Variants in ENPP1 observed in about 807,000 individuals in gnomAD.
The protein encoded by ENPP1 is ectonucleotide pyrophosphatase/phosphodiesterase 1.
Under a neutral mutation model 122.8 loss-of-function variants are expected in ENPP1, and 73 were observed. That is an observed-to-expected ratio of 0.59 (90% confidence interval 0.49 to 0.72). The LOEUF (loss-of-function observed/expected upper bound fraction) is 0.72, where lower values mean the gene tolerates loss of function less well. Among genes scored for constraint, ENPP1 ranks in the 30% least tolerant of loss-of-function variants. The pLI, the probability that ENPP1 is intolerant of heterozygous loss-of-function variation, is 0.00. For synonymous variants in ENPP1, 367 were observed against 391.6 expected (o/e 0.94, Z 0.74); for missense variants, 978 against 1,128.1 (o/e 0.87, Z 1.91).
intron 1 of ENPP1, among the ~76,000 whole-genome samples, chr6:131,813,013 T>C (rs1352592361): frequency 6.6e-6 from 1 of 152,100 alleles, no homozygotes; most frequent in Non-Finnish European, 1.5e-5. Context: ...CTAATTTTTT[T>C]GTATTTTAGT....
At chr6:131,876,355 G>A (rs1782230477) in intron 17 of ENPP1, among the ~76,000 whole-genome samples, 1 of 152,174 alleles carries the variant, frequency 6.6e-6, no homozygotes, top group Admixed American at 6.5e-5. Context: ...TTGAAGCATT[G>A]TGTGTTTTAA....
intron 1 of ENPP1, among the ~76,000 whole-genome samples, chr6:131,820,848 C>T (rs966385401): frequency 2.6e-5 from 4 of 152,246 alleles, no homozygotes; most frequent in East Asian, 1.9e-4. Flanking sequence ...AATCCTGCTA[C>T]GGTTACTAGC....
At chr6:131,827,422 G>A (rs1781558917) in intron 1 of ENPP1, 1 of 703,284 alleles carries the variant, frequency 1.4e-6, no homozygotes, top group Non-Finnish European at 2.6e-6. Context: ...ATCCACCACA[G>A]CCTGTAGGAG....
At chr6:131,859,950 G>T (rs980967898) in intron 7 of ENPP1, among the ~76,000 whole-genome samples, 1 of 152,132 alleles carries the variant, frequency 6.6e-6, no homozygotes. Context: ...AAAACAGTTT[G>T]CTGTTTGACC....
intron 1 of ENPP1, among the ~76,000 whole-genome samples, chr6:131,808,724 C>T (rs1416606198): frequency 6.6e-6 from 1 of 152,186 alleles, no homozygotes; most frequent in Non-Finnish European, 1.5e-5. Context: ...TAGCGGAGCT[C>T]TTTAAGTTTT....
intron 1 of ENPP1, among the ~76,000 whole-genome samples, chr6:131,811,294 G>A (rs966798503): frequency 1.8e-4 from 28 of 151,910 alleles, no homozygotes; most frequent in Admixed American, 5.2e-4. Flanking sequence ...AAGGGCTTGC[G>A]TATGGGTGGT....
At chr6:131,817,778 C>CACAA (rs1281906784) in intron 1 of ENPP1, among the ~76,000 whole-genome samples, 1 of 151,520 alleles carries the variant, frequency 6.6e-6, no homozygotes, top group Non-Finnish European at 1.5e-5. Context: ...CACACACACA[C>CACAA]ACACACACGT....
intron 1 of ENPP1, among the ~76,000 whole-genome samples, chr6:131,833,262 A>T (rs1031298581): frequency 6.6e-6 from 1 of 152,166 alleles, no homozygotes; most frequent in African/African-American, 2.4e-5. Context: ...TTTGTTGGGT[A>T]GGAAAGGGAC....
chr6:131,856,267 T>C (rs1334427779), intron 6 of ENPP1, among the ~76,000 whole-genome samples: 1 of 152,056 alleles, frequency 6.6e-6, no homozygotes, highest in Non-Finnish European at 1.5e-5. Context: ...TCATGTGTTT[T>C]TTGGCTGCAT....
chr6:131,827,857 T>A, intron 1 of ENPP1: 4 of 1,403,080 alleles, frequency 2.9e-6, no homozygotes, highest in Non-Finnish European at 4.0e-6. Flanking sequence ...AAGCAAAATC[T>A]TGGACTCGGA....
At chr6:131,873,254 G>GAA (rs1426439461) in intron 15 of ENPP1, among the ~76,000 whole-genome samples, 1 of 152,070 alleles carries the variant, frequency 6.6e-6, no homozygotes, top group Non-Finnish European at 1.5e-5. Context: ...CACATTGTGG[G>GAA]ATATTTGACA....
chr6:131,849,966 T>A, intron 2 of ENPP1, 24 bp from the exon 3 acceptor site: 2 of 1,497,036 alleles, frequency 1.3e-6, no homozygotes, highest in South Asian at 2.3e-5. Context: ...TAGAAACATC[T>A]GACTTATCGT....
intron 1 of ENPP1, chr6:131,827,383 A>C: frequency 1.2e-6 from 1 of 802,116 alleles, no homozygotes; most frequent in Non-Finnish European, 2.2e-6. Context: ...AACACCTCAA[A>C]GGAATATTGC....
chr6:131,832,772 C>T lies in ENPP1; in HGVS notation c.241-15004C>T, dbSNP rs114911034. On this transcript the variant is annotated intron_variant, in intron 1 of 24. Transcript: ENST00000647893. ...CTGTCTCTTCTTGCAGTCTTAGGGC[C>T]TCCCCATGTGGTCTCTGTGCACGGA... Among the ~76,000 whole-genome samples the T allele has an allele frequency of 6.8e-3, 1,028 of 152,250 alleles. 28 individuals carry two copies. The highest frequency in any genetic ancestry group is 0.024 in the African/African-American group (990 of 41,528).
intron 1 of ENPP1, chr6:131,820,067 C>A: frequency 3.9e-6 from 2 of 508,076 alleles, no homozygotes; most frequent in Non-Finnish European, 7.4e-6. Context: ...CTGTCCAGCA[C>A]TTGTCCATTT....
chr6:131,831,040 G>C (rs563777043), intron 1 of ENPP1, among the ~76,000 whole-genome samples: 1 of 146,686 alleles, frequency 6.8e-6, no homozygotes, highest in Non-Finnish European at 1.5e-5. Flanking sequence ...TTGAGCCTGG[G>C]AGGTGGAGGT....
chr6:131,869,854 TAAAAAA>T (rs757712283), intron 13 of ENPP1, among the ~76,000 whole-genome samples: 2 of 99,048 alleles, frequency 2.0e-5, no homozygotes, highest in Admixed American at 1.1e-4. Context: ...AGACTTGGTC[TAAAAAA>T]AAAAAAAAAA....
intron 1 of ENPP1, among the ~76,000 whole-genome samples, chr6:131,815,000 G>GC (rs1269313227): frequency 8.5e-5 from 13 of 152,186 alleles, no homozygotes; most frequent in African/African-American, 3.1e-4. Flanking sequence ...AAATACACAA[G>GC]CAGGGACCCA....
At chr6:131,851,451 G>T in intron 4 of ENPP1, 184 bp downstream of exon 4, 1 of 643,950 alleles carries the variant, frequency 1.6e-6, no homozygotes, top group East Asian at 2.9e-5. Flanking sequence ...GAGAGAGTAT[G>T]TAATGAACAT....
Sources: gnomAD v4.1 joint callset for allele counts (sites outside exome capture counted in the v4.1 genomes callset) on GRCh38, gnomAD v4.1.1 for gene constraint, MANE v1.5 for transcripts, NCBI Gene and HGNC (gene_info 2026-07-23, HGNC 2026-07-21) for gene names.